MED13L: variants seen among roughly 807,000 people sequenced by gnomAD.
The protein encoded by MED13L is mediator of RNA polymerase II transcription subunit 13-like.
In MED13L, 7 loss-of-function variants were observed where a neutral mutation model predicts 220.9. The observed-to-expected ratio is 0.03, with a 90% CI of 0.02 to 0.06. The LOEUF (loss-of-function observed/expected upper bound fraction) is 0.06. Ranked by LOEUF, MED13L falls within the 10% of genes least tolerant of loss-of-function variation. The pLI, the probability that MED13L is intolerant of heterozygous loss-of-function variation, is 1.00. For missense variants in MED13L, 1,965 were observed against 2,760.5 expected, an observed-to-expected ratio of 0.71 and a Z score of 6.46; for synonymous variants, 1,011 against 1,015.2, an observed-to-expected ratio of 1.00 and a Z score of 0.08.
chr12:116,205,894 C>A (rs1034098409), intron 2 of MED13L, among the ~76,000 whole-genome samples: 3 of 150,538 alleles, frequency 2.0e-5, no homozygotes, highest in African/African-American at 7.3e-5. Flanking sequence ...ATAAATACAG[C>A]AGTTTCTGCT....
intron 14 of MED13L, among the ~76,000 whole-genome samples, chr12:116,001,379 T>C (rs568770741): frequency 6.6e-6 from 1 of 152,284 alleles, no homozygotes; most frequent in Admixed American, 6.5e-5. Context: ...GTATTTTAAG[T>C]AGAGATGGGG....
Position 116,031,758 on chromosome 12 carries a change from A to AGG in MED13L, c.480-9158_480-9157insCC, listed in dbSNP as rs1566020916. ...AAGAAAAGAAAAGAAAAGAAAAGAA[A>AGG]AGAAGGAAGGAAGGAAGGAAGGAAG... On this transcript the variant is annotated intron_variant, in intron 4 of 30. Coordinates refer to ENST00000281928, the MANE Select transcript of MED13L (RefSeq NM_015335.5). 8.7e-5 allele frequency among the ~76,000 whole-genome samples: 9 copies of AGG among 103,008 alleles called. 1 individual carries two copies. Among genetic ancestry groups the AGG allele is most frequent in the African/African-American group, 1.3e-4 (3 of 23,276 alleles). The allele number at this position is 103,008 out of a possible 152,430, so 67.6% of individuals were successfully genotyped here.
At chr12:116,099,126 A>C (rs1236952635) in intron 3 of MED13L, among the ~76,000 whole-genome samples, 3 of 152,314 alleles carry the variant, frequency 2.0e-5, no homozygotes, top group South Asian at 4.1e-4. Context: ...GTAGATGAAG[A>C]AGCTGAGGCA....
chr12:116,196,673 AT>A lies in MED13L; in HGVS notation c.310+40794del, dbSNP rs537410211. The stretch of plus-strand genomic sequence containing the variant: ...AGTATCTTTTAACCTTTCTCTCCAA[AT>A]TTAAAATAAATAGAAAAGTAATAAT... On this transcript the variant is annotated intron_variant, in intron 2 of 30. Coordinates refer to ENST00000281928, the MANE Select transcript of MED13L (RefSeq NM_015335.5). Among the ~76,000 whole-genome samples the A allele has an allele frequency of 7.4e-3, 1,127 of 152,340 alleles. 10 individuals are homozygous for A. Among genetic ancestry groups the A allele is most frequent in the African/African-American group, 0.026 (1,089 of 41,576 alleles).
intron 19 of MED13L, among the ~76,000 whole-genome samples, chr12:115,984,879 TA>T (rs1565993882): frequency 1.3e-5 from 2 of 151,796 alleles, no homozygotes; most frequent in Non-Finnish European, 2.9e-5. Context: ...TTTTTTTTTT[TA>T]AAGTAAATAG....
intron 3 of MED13L, among the ~76,000 whole-genome samples, chr12:116,107,893 C>T (rs1437485330): frequency 6.6e-6 from 1 of 152,166 alleles, no homozygotes; most frequent in Non-Finnish European, 1.5e-5. Flanking sequence ...AGTTCGAGAC[C>T]AGCCTAGCCA....
chr12:116,109,632 T>C (rs1038512607), intron 3 of MED13L, among the ~76,000 whole-genome samples: 1 of 152,232 alleles, frequency 6.6e-6, no homozygotes. Flanking sequence ...ATTGCAGAGA[T>C]ACCAAGAGCT....
At chr12:116,075,446 TATG>T (rs2137704995) in intron 4 of MED13L, among the ~76,000 whole-genome samples, 1 of 152,328 alleles carries the variant, frequency 6.6e-6, no homozygotes, top group East Asian at 1.9e-4. Context: ...ATCTGTGTAA[TATG>T]ATTCCCTAGG....
chr12:116,169,708 A>G (rs1202622979), intron 2 of MED13L, among the ~76,000 whole-genome samples: 1 of 152,234 alleles, frequency 6.6e-6, no homozygotes, highest in African/African-American at 2.4e-5. Context: ...TAGTTGAAGT[A>G]CAGAACCTAA....
chr12:116,274,424 CA>C (rs989877048), intron 1 of MED13L, among the ~76,000 whole-genome samples: 1,680 of 89,572 alleles, frequency 0.019, 6 homozygotes, highest in Middle Eastern at 0.023. Flanking sequence ...AAAAACAAAA[CA>C]AAAAAAAAAA....
At chr12:115,996,863 C>A (rs1878439096) in intron 15 of MED13L, 147 bp downstream of exon 15, 2 of 1,020,912 alleles carry the variant, frequency 2.0e-6, no homozygotes, top group Non-Finnish European at 3.1e-6. Flanking sequence ...ATTTAATATG[C>A]CTGCTGGTGT....
chr12:116,075,910 A>ATTTT (rs774757433), intron 4 of MED13L, among the ~76,000 whole-genome samples: 10 of 134,252 alleles, frequency 7.4e-5, no homozygotes, highest in Non-Finnish European at 1.3e-4. Flanking sequence ...GAGCCAGAAG[A>ATTTT]TTTTTTTTTT....
chr12:116,171,973 C>A (rs187460786), intron 2 of MED13L, among the ~76,000 whole-genome samples: 1 of 152,156 alleles, frequency 6.6e-6, no homozygotes, highest in Non-Finnish European at 1.5e-5. Context: ...TTTTAATCAA[C>A]TTCATGAAGA....
rs1873884087 is a variant in MED13L, at chr12:116,109,351, T to A, written c.395+2077A>T. On this transcript the variant is annotated intron_variant, in intron 3 of 30. Transcript: ENST00000281928. ...CAATTTCCAACAAAAAAATTCTGAA[T>A]TCATGAGCCATAAATAAATGAAATA... 2.0e-5 allele frequency among the ~76,000 whole-genome samples: 3 copies of A among 152,230 alleles called. No individual in the cohort carries two copies. The South Asian group carries it at 6.2e-4, about 32-fold the overall frequency.
chr12:116,116,405 G>A (rs546616334), intron 2 of MED13L, among the ~76,000 whole-genome samples: 1 of 152,178 alleles, frequency 6.6e-6, no homozygotes, highest in Non-Finnish European at 1.5e-5. Flanking sequence ...GACACATGGA[G>A]GTTCTTGGAG....
At chr12:116,227,417 G>A (rs958071266) in intron 2 of MED13L, among the ~76,000 whole-genome samples, 6 of 152,156 alleles carry the variant, frequency 3.9e-5, no homozygotes, top group African/African-American at 1.4e-4. Flanking sequence ...AATTTAAGGT[G>A]TGTAGCAACC....
intron 2 of MED13L, among the ~76,000 whole-genome samples, chr12:116,199,050 AGGTTACTATCT>A (rs1302349955): frequency 1.3e-5 from 2 of 152,176 alleles, no homozygotes; most frequent in Non-Finnish European, 2.9e-5. Context: ...TATAAAGTAG[AGGTTACTATCT>A]GACCCATTTA....
chr12:116,080,860 G>T (rs1297634161), intron 4 of MED13L, among the ~76,000 whole-genome samples: 10 of 152,144 alleles, frequency 6.6e-5, no homozygotes, highest in Admixed American at 6.5e-4. Context: ...CAGTTACTAA[G>T]TTATCAGTAC....
At chr12:116,154,639 G>A (rs1878290364) in intron 2 of MED13L, among the ~76,000 whole-genome samples, 1 of 152,056 alleles carries the variant, frequency 6.6e-6, no homozygotes, top group South Asian at 2.1e-4. Context: ...GTGCTTACGA[G>A]ACACATTAGT....
Sources: allele counts gnomAD v4.1 joint callset (sites outside exome capture counted in the v4.1 genomes callset), GRCh38; gene constraint gnomAD v4.1.1; transcripts MANE v1.5; gene names NCBI Gene and HGNC (gene_info 2026-07-23, HGNC 2026-07-21).